The following ACYP2 variants were observed in gnomAD, a reference collection of about 807,000 sequenced individuals.
ACYP2 encodes the protein acylphosphatase 2.
Under a neutral mutation model 11.2 loss-of-function variants are expected in ACYP2, and 12 were observed. That is an observed-to-expected ratio of 1.08 (90% CI 0.69 to 1.74). The LOEUF is 1.74. ACYP2 is among the 40% of genes most tolerant of loss of function. ACYP2 has a pLI of 0.00. For synonymous variants in ACYP2, 43 were observed against 32.2 expected, an observed-to-expected ratio of 1.33 and a Z score of -1.13; for missense variants, 134 against 101.9, an observed-to-expected ratio of 1.31 and a Z score of -1.35.
chr2:54,034,093 A>G (rs553225695), intron 2 of ACYP2, among the ~76,000 whole-genome samples: 41 of 152,166 alleles, frequency 2.7e-4, no homozygotes, highest in Non-Finnish European at 5.1e-4. Flanking sequence ...GCCCAAAATA[A>G]AAGAAAAGAC....
At chr2:54,108,019 G>A (rs1348351916) in intron 4 of ACYP2, among the ~76,000 whole-genome samples, 1 of 152,140 alleles carries the variant, frequency 6.6e-6, no homozygotes, top group Non-Finnish European at 1.5e-5. Context: ...GACCCGCCAA[G>A]CTTGCTATGA....
chr2:54,304,517 T>C (rs1282634988), intron 6 of ACYP2, among the ~76,000 whole-genome samples, 171 bp from the exon 4 acceptor site: 1 of 152,178 alleles, frequency 6.6e-6, no homozygotes, highest in African/African-American at 2.4e-5. Context: ...TACATTATAC[T>C]CTGTGGTATT....
chr2:54,232,706 G>T (rs997022370), intron 6 of ACYP2, among the ~76,000 whole-genome samples: 1 of 152,108 alleles, frequency 6.6e-6, no homozygotes. Context: ...TACAATCATG[G>T]CAGAAGGCAA....
At position 54,222,669 on chromosome 2, in the gene ACYP2, A is replaced by G. The variant is rs376788914; in HGVS notation, c.405-82019A>G. 3.9e-5 allele frequency among the ~76,000 whole-genome samples: 6 copies of G among 152,176 alleles called. No homozygotes were observed. The East Asian group carries it at 5.8e-4, about 15-fold the overall frequency. On this transcript the variant is annotated intron_variant, in intron 6 of 6. Coordinates refer to ENST00000607452, the MANE Select transcript of ACYP2 (RefSeq NM_001320586.2). ...GAATCACTTTAGCATTCAGAAATCT[A>G]CATATAAATTAGCTCAGACCCAAAT...
At chr2:54,168,061 A>G (rs1229627578) in intron 6 of ACYP2, among the ~76,000 whole-genome samples, 1 of 152,124 alleles carries the variant, frequency 6.6e-6, no homozygotes, top group African/African-American at 2.4e-5. Flanking sequence ...TTTGATGTAC[A>G]TTTCTCAAAA....
intron 4 of ACYP2, among the ~76,000 whole-genome samples, chr2:54,062,749 G>A (rs1469784220): frequency 1.3e-5 from 2 of 152,182 alleles, no homozygotes; most frequent in African/African-American, 4.8e-5. Flanking sequence ...AGTTAACTTA[G>A]CAAGATAAAT....
At chr2:54,130,588 T>C (rs1325721877) in intron 4 of ACYP2, among the ~76,000 whole-genome samples, 2 of 152,188 alleles carry the variant, frequency 1.3e-5, no homozygotes, top group Non-Finnish European at 2.9e-5. Flanking sequence ...TTAAGGAGGT[T>C]CTTGTAGTAG....
At chr2:54,115,682 G>A in intron 4 of ACYP2, 1 of 1,609,576 alleles carries the variant, frequency 6.2e-7, no homozygotes. Context: ...CTCCTCAACA[G>A]AGGGCTCGCC....
intron 4 of ACYP2, among the ~76,000 whole-genome samples, chr2:54,065,290 C>G (rs1676689779): frequency 6.6e-6 from 1 of 152,054 alleles, no homozygotes; most frequent in Non-Finnish European, 1.5e-5. Flanking sequence ...TAGATTTTTG[C>G]TGTTTGAATT....
intron 2 of ACYP2, among the ~76,000 whole-genome samples, chr2:54,012,096 C>T (rs1351570849): frequency 2.0e-5 from 3 of 151,976 alleles, no homozygotes; most frequent in African/African-American, 7.3e-5. Flanking sequence ...ATTAGCCAGG[C>T]GTGGTGGCGT....
intron 6 of ACYP2, among the ~76,000 whole-genome samples, chr2:54,184,916 G>A (rs115576810): frequency 0.012 from 1,788 of 149,990 alleles, 35 homozygotes; most frequent in African/African-American, 0.041. Context: ...GCACCTTCTC[G>A]GTTCACTGAA....
chr2:54,254,965 CTT>C, intron 6 of ACYP2: 1 of 1,613,838 alleles, frequency 6.2e-7, no homozygotes, highest in Non-Finnish European at 8.5e-7. Flanking sequence ...CACTGGCTCC[CTT>C]ACCAGGCGAC....
At chr2:54,105,509 C>T (rs145762954) in intron 4 of ACYP2, among the ~76,000 whole-genome samples, 37 of 152,036 alleles carry the variant, frequency 2.4e-4, no homozygotes, top group African/African-American at 8.2e-4. Context: ...GGCAGGGTCT[C>T]GTTTTATTGC....
At chr2:54,257,849 A>G (rs994162647) in intron 6 of ACYP2, among the ~76,000 whole-genome samples, 1 of 152,252 alleles carries the variant, frequency 6.6e-6, no homozygotes, top group African/African-American at 2.4e-5. Context: ...GAAAATCTAA[A>G]TAGACCTAGA....
At chr2:54,088,153 G>A (rs1301939140) in intron 4 of ACYP2, among the ~76,000 whole-genome samples, 1 of 152,148 alleles carries the variant, frequency 6.6e-6, no homozygotes, top group Non-Finnish European at 1.5e-5. Context: ...CTCTTCTAGT[G>A]GAGCCAAAAG....
intron 4 of ACYP2, among the ~76,000 whole-genome samples, chr2:54,104,123 C>A (rs948572334): frequency 3.3e-5 from 5 of 152,202 alleles, no homozygotes; most frequent in African/African-American, 1.2e-4. Context: ...GAACTTCGAG[C>A]TGTTCCAAAT....
intron 6 of ACYP2, among the ~76,000 whole-genome samples, chr2:54,167,977 C>G (rs563997576): frequency 3.9e-5 from 6 of 152,306 alleles, no homozygotes; most frequent in Non-Finnish European, 8.8e-5. Flanking sequence ...CCCAGTGCCA[C>G]CCCAGAGCCT....
intron 4 of ACYP2, among the ~76,000 whole-genome samples, chr2:54,124,231 G>C (rs1439567056): frequency 7.0e-6 from 1 of 143,770 alleles, no homozygotes; most frequent in Admixed American, 7.1e-5. Context: ...TTTCATTCTT[G>C]TTGCCCAGGC....
chr2:54,040,542 C>T (rs370591484), intron 2 of ACYP2, among the ~76,000 whole-genome samples: 1 of 151,920 alleles, frequency 6.6e-6, no homozygotes, highest in South Asian at 2.1e-4. Flanking sequence ...TTGGGATGCT[C>T]CAAGTTTTGG....
Sources: allele counts gnomAD v4.1 joint callset (sites outside exome capture counted in the v4.1 genomes callset), GRCh38; gene constraint gnomAD v4.1.1; transcripts MANE v1.5; gene names NCBI Gene and HGNC (gene_info 2026-07-23, HGNC 2026-07-21).